Variants in ERCC2 observed in about 807,000 individuals in gnomAD.
ERCC2 encodes ERCC excision repair 2, TFIIH core complex helicase subunit.
ERCC2 carries 90 observed loss-of-function variants against 99.4 expected under a neutral mutation model. That is an observed-to-expected ratio of 0.91 (90% CI 0.76 to 1.08). ERCC2 has a LOEUF of 1.08. Among genes scored for constraint, ERCC2 ranks in the 50% least tolerant of loss-of-function variants. The pLI is 0.00. For synonymous variants in ERCC2, 497 were observed against 432.4 expected, an observed-to-expected ratio of 1.15 and a Z score of -1.85; for missense variants, 993 against 1,038.1, an observed-to-expected ratio of 0.96 and a Z score of 0.60.
intron 12 of ERCC2, chr19:45,357,951 C>G (rs530479938): frequency 5.2e-6 from 3 of 573,420 alleles, no homozygotes; most frequent in South Asian, 3.9e-5. Flanking sequence ...GAGCCCACAG[C>G]CCCGCCCACT....
chr19:45,353,104 C>G lies in ERCC2; in HGVS notation c.1810G>C (p.Val604Leu). 4 of 1,613,454 alleles carry G rather than the reference C, an allele frequency of 2.5e-6. No individual in the cohort carries two copies. Among genetic ancestry groups the G allele is most frequent in the Non-Finnish European group, 3.4e-6 (4 of 1,179,858 alleles). Residue 604 changes from valine (V) to leucine (L), a missense_variant, in exon 19 of 23, where the codon GTG becomes CTG. By Grantham distance (32) the Val-to-Leu change is conservative. Transcript: ENST00000391945. Reference protein sequence around the residue: ...AILLSVARGKVSEGIDFVHHY... With the variant: ...AILLSVARGKLSEGIDFVHHY... The stretch of plus-strand genomic sequence containing the variant: ...TCACCAAAGTCGATTCCCTCGGACA[C>G]TTTGCCCCGGGCCACTGACAGCAGG...
At chr19:45,354,327 T>C (rs1436049235) in intron 17 of ERCC2, among the ~76,000 whole-genome samples, 2 of 152,196 alleles carry the variant, frequency 1.3e-5, no homozygotes, top group Admixed American at 1.3e-4. Flanking sequence ...GCCCCGAGTC[T>C]TGGTCCAGCC....
Position 45,368,676 on chromosome 19 carries a change from A to C in ERCC2, c.314T>G (p.Leu105Arg). Reference protein sequence around the residue: ...EKQEGEKLPFLGLALSSRKNL... With the variant: ...EKQEGEKLPFRGLALSSRKNL... Reference sequence around the variant, plus strand: ...TTTGCGGGAGCTCAGAGCCAGTCCCAGAAACGGCAGCTTCTCGCCCTCCTG... The same window carrying C: ...TTTGCGGGAGCTCAGAGCCAGTCCCCGAAACGGCAGCTTCTCGCCCTCCTG... Residue 105 changes from leucine to arginine, a missense_variant, in exon 5 of 23, where the codon CTG (leucine) becomes CGG (arginine). Transcript: ENST00000391945. The C allele has an allele frequency of 6.2e-7, 1 of 1,614,200 alleles. No homozygotes were observed. Among genetic ancestry groups the C allele is most frequent in the Non-Finnish European group, 8.5e-7 (1 of 1,180,014 alleles).
rs755181966 is a variant in ERCC2 at position 45,350,582 on chromosome 19, GTGGGCGTGGGGACTGCA to G, written c.*1030_*1046del. Reference sequence around the variant, plus strand: ...GATGGGCTGTGCTTCGGCTCCTGGGGTGGGCGTGGGGACTGCATGGGCCTGGGGGACTGAGCAGCATC... The same window carrying G: ...GATGGGCTGTGCTTCGGCTCCTGGGGTGGGCCTGGGGGACTGAGCAGCATC... On this transcript the variant is annotated 3_prime_UTR_variant, in exon 23 of 23. Coordinates refer to ENST00000391945, the MANE Select transcript of ERCC2 (RefSeq NM_000400.4). 6 of 1,613,896 alleles carry G rather than the reference GTGGGCGTGGGGACTGCA, an allele frequency of 3.7e-6. No homozygotes were observed. Among genetic ancestry groups the G allele is most frequent in the Non-Finnish European group, 4.2e-6 (5 of 1,179,904 alleles).
chr19:45,369,058 CG>C lies in ERCC2; in HGVS notation c.183+11del, dbSNP rs1310241897. The C allele has an allele frequency of 1.9e-6, 3 of 1,613,984 alleles. No individual in the cohort carries two copies. Among genetic ancestry groups the C allele is most frequent in the Non-Finnish European group, 2.5e-6 (3 of 1,179,850 alleles). The stretch of plus-strand genomic sequence containing the variant: ...CCTTTGTCTGCCTTTACGGGTTCAG[CG>C]CATCACTCACTCTCTGGTATGCCAT... On this transcript the variant is annotated intron_variant, in intron 3 of 22. Coordinates refer to ENST00000391945, the MANE Select transcript of ERCC2 (RefSeq NM_000400.4).
intron 2 of ERCC2, 127 bp downstream of exon 2, chr19:45,370,006 G>C: frequency 1.2e-6 from 1 of 818,606 alleles, no homozygotes; most frequent in Middle Eastern, 3.0e-4. Context: ...GATAACGGAA[G>C]ATTATGGGGT....
Position 45,351,370 on chromosome 19 carries a change from T to TGCGCTGGCC in ERCC2, c.*250_*258dup. ...GAGCCCCCACTAACGTCCAGTGAACTGCGCTGGCCGCAGCTTCTTGGGAAC... is the reference window on the plus strand; with the variant it reads ...GAGCCCCCACTAACGTCCAGTGAACTGCGCTGGCCGCGCTGGCCGCAGCTTCTTGGGAAC... On this transcript the variant is annotated 3_prime_UTR_variant, in exon 23 of 23. Coordinates refer to ENST00000391945, the MANE Select transcript of ERCC2 (RefSeq NM_000400.4). 1 of 1,609,210 alleles carries TGCGCTGGCC rather than the reference T, an allele frequency of 6.2e-7. No individual in the cohort carries two copies. The highest frequency in any genetic ancestry group is 8.5e-7 in the Non-Finnish European group (1 of 1,179,950).
At chr19:45,354,109 C>T (rs921677935) in intron 17 of ERCC2, among the ~76,000 whole-genome samples, 1 of 152,210 alleles carries the variant, frequency 6.6e-6, no homozygotes, top group African/African-American at 2.4e-5. Flanking sequence ...TAGCCAAGTT[C>T]ACTCACCTCA....
Position 45,350,674 on chromosome 19 carries a change from C to G in ERCC2, c.*955G>C, listed in dbSNP as rs373196157. 1 of 1,613,784 alleles carries G rather than the reference C, an allele frequency of 6.2e-7. No homozygotes were observed. The highest frequency in any genetic ancestry group is 1.7e-5 in the Admixed American group (1 of 59,960). ...CCGCAGCAGCTCACTCTCCAAGATC[C>G]GTGAGTCTATCAGGCGAGGAAGTGA... On this transcript the variant is annotated 3_prime_UTR_variant, in exon 23 of 23. Transcript: ENST00000391945.
At chr19:45,361,241 G>C (rs1401130854) in intron 12 of ERCC2, among the ~76,000 whole-genome samples, 1 of 151,924 alleles carries the variant, frequency 6.6e-6, no homozygotes, top group East Asian at 1.9e-4. Flanking sequence ...GTGCCCTCTA[G>C]TGTGAGCTGA....
rs1477313928 is a variant in ERCC2, at chr19:45,363,790, G to C, written c.1071C>G (p.Phe357Leu). The C allele has an allele frequency of 6.5e-7, 1 of 1,538,986 alleles. No individual in the cohort carries two copies. The highest frequency in any genetic ancestry group is 1.4e-5 in the African/African-American group (1 of 73,146). The change falls in exon 11 of 23, where the codon TTC becomes TTG. Residue 357 changes from phenylalanine (F) to leucine (L), a missense_variant. Transcript: ENST00000391945. ...ACACGCGCTGGGCCAGGCCGCTCAG[G>C]AAGGCGGGCGGGCTCTCCTGCACCA... The part of the protein sequence containing the change: ...QHVVQESPPA[F>L]LSGLAQRVCI...
At chr19:45,355,757 G>A (rs545567785) in intron 15 of ERCC2, 29 bp from the exon 16 acceptor site, 31 of 1,605,570 alleles carry the variant, frequency 1.9e-5, no homozygotes, top group African/African-American at 9.4e-5. Context: ...CACGATAAGC[G>A]AGGCAGCAGC....
At chr19:45,351,817 G>A in intron 22 of ERCC2, 96 bp from the exon 23 acceptor site, 4 of 1,056,608 alleles carry the variant, frequency 3.8e-6, no homozygotes, top group Non-Finnish European at 5.8e-6. Context: ...ATGGCCAGTA[G>A]GGACAGGATG....
At chr19:45,366,431 C>A (rs962246559) in intron 5 of ERCC2, among the ~76,000 whole-genome samples, 1 of 152,132 alleles carries the variant, frequency 6.6e-6, no homozygotes. Context: ...TGTGAGCCAC[C>A]GTGCCCAGCC....
intron 19 of ERCC2, 58 bp downstream of exon 19, chr19:45,353,025 C>T: frequency 1.3e-6 from 2 of 1,547,468 alleles, no homozygotes; most frequent in Non-Finnish European, 1.8e-6. Flanking sequence ...GCAGAGCGGG[C>T]AGGTGTTCCA....
Position 45,364,879 on chromosome 19 carries a change from G to A in ERCC2, c.553C>T (p.Arg185Trp), listed in dbSNP as rs139884931. 41 of 1,613,912 alleles carry A rather than the reference G, an allele frequency of 2.5e-5. No homozygotes were observed. The highest frequency in any genetic ancestry group is 3.3e-4 in the Middle Eastern group (2 of 6,084). ...YNLDDLKALGRRQGWCPYFLA... is the reference protein window; with the variant it reads ...YNLDDLKALGWRQGWCPYFLA... The stretch of plus-strand genomic sequence containing the variant: ...AAGTATGGGCACCAGCCCTGGCGCC[G>A]CCCCAGGGCCTTCAGGTCATCCAGG... The change falls in exon 7 of 23, where the codon CGG (arginine) becomes TGG (tryptophan). Residue 185 changes from arginine to tryptophan, a missense_variant. Transcript: ENST00000391945.
At chr19:45,366,498 A>G (rs1972429453) in intron 5 of ERCC2, among the ~76,000 whole-genome samples, 1 of 152,242 alleles carries the variant, frequency 6.6e-6, no homozygotes, top group Non-Finnish European at 1.5e-5. Context: ...TAGGTTGAAG[A>G]TAACTACTTC....
intron 19 of ERCC2, 99 bp downstream of exon 19, chr19:45,352,983 TG>T: frequency 1.5e-6 from 2 of 1,354,078 alleles, no homozygotes; most frequent in East Asian, 2.3e-5. Flanking sequence ...GCACCTAGGC[TG>T]GGGGTGGGTG....
rs757227601 is a variant in ERCC2 at position 45,350,640 on chromosome 19, G to C, written c.*989C>G. On this transcript the variant is annotated 3_prime_UTR_variant, in exon 23 of 23. Transcript: ENST00000391945. Reference sequence around the variant, plus strand: ...GAGCAGCATCCCCGGCCCCTCCCCAGGCCCTTCGCCGCAGCAGCTCACTCT... The same window carrying C: ...GAGCAGCATCCCCGGCCCCTCCCCACGCCCTTCGCCGCAGCAGCTCACTCT... The C allele has an allele frequency of 2.5e-6, 4 of 1,613,332 alleles. No individual in the cohort carries two copies. The highest frequency in any genetic ancestry group is 3.4e-6 in the Non-Finnish European group (4 of 1,179,588).
Sources: gnomAD v4.1 joint callset for allele counts (sites outside exome capture counted in the v4.1 genomes callset) on GRCh38, gnomAD v4.1.1 for gene constraint, MANE v1.5 for transcripts, NCBI Gene and HGNC (gene_info 2026-07-23, HGNC 2026-07-21) for gene names.